ITPK1: variants seen among roughly 807,000 people sequenced by gnomAD.
ITPK1 encodes the protein inositol-tetrakisphosphate 1-kinase, also known as inositol 1,3,4-trisphosphate 5/6-kinase.
A neutral mutation model predicts 45.3 loss-of-function variants in ITPK1; 21 were observed. That is an observed-to-expected ratio of 0.46 (90% confidence interval 0.33 to 0.67). ITPK1 has a LOEUF of 0.67. Among genes scored for constraint, ITPK1 ranks in the 30% least tolerant of loss-of-function variants. The pLI is 0.02. For missense variants in ITPK1, 474 were observed against 573.5 expected, an observed-to-expected ratio of 0.83 and a Z score of 1.77; for synonymous variants, 258 against 253.6, an observed-to-expected ratio of 1.02 and a Z score of -0.16.
intron 5 of ITPK1, among the ~76,000 whole-genome samples, chr14:92,976,128 A>G (rs1250062646): frequency 6.6e-6 from 1 of 152,236 alleles, no homozygotes; most frequent in Non-Finnish European, 1.5e-5. Context: ...AGTCTTGGGT[A>G]TGTCCTTATA....
At chr14:92,987,314 G>C (rs1312815871) in intron 5 of ITPK1, among the ~76,000 whole-genome samples, 1 of 152,196 alleles carries the variant, frequency 6.6e-6, no homozygotes, top group Non-Finnish European at 1.5e-5. Flanking sequence ...GCAGGAAAGG[G>C]GACGGGGCAG....
In ITPK1 at chr14:92,938,104, C is replaced by T. The variant is rs889720149; in HGVS notation, c.*3457G>A. On this transcript the variant is annotated 3_prime_UTR_variant, in exon 11 of 11. Transcript: ENST00000267615. ...CCTCCCAAGTAGCTGGGACTACAGG[C>T]GCCCACCACCATGTCCAGCTAATTT... The T allele has an allele frequency of 4.1e-5, 10 of 241,542 alleles. No homozygotes were observed. Among genetic ancestry groups the T allele is most frequent in the African/African-American group, 1.1e-4 (5 of 43,604 alleles). 15.0% of individuals were successfully genotyped at this position (241,542 alleles called of 1,614,324 possible). A position where few individuals can be genotyped will look rare whatever the true frequency, so the allele number is the denominator to read the frequency against.
At position 93,012,432 on chromosome 14, in the gene ITPK1, T is replaced by A. The variant is rs1887962700; in HGVS notation, c.246+4244A>T. ...GGACACACATCAGAGCCTGGGCAGC[T>A]GCTGAGGGGGCCAGGGAAGGAGCGG... On this transcript the variant is annotated intron_variant, in intron 4 of 10. Coordinates refer to ENST00000267615, the MANE Select transcript of ITPK1 (RefSeq NM_014216.6). This position sits in a 1 kb window ranked among gnomAD's most constrained non-coding sequence, Gnocchi z 4.9. Among the ~76,000 whole-genome samples, 4 of 152,156 alleles carry A rather than the reference T, an allele frequency of 2.6e-5. No individual in the cohort carries two copies. In the South Asian group the frequency reaches 8.3e-4, roughly 32 times the overall value.
intron 5 of ITPK1, among the ~76,000 whole-genome samples, chr14:92,964,753 C>T (rs1885259813): frequency 6.6e-6 from 1 of 152,204 alleles, no homozygotes; most frequent in Admixed American, 6.5e-5. Context: ...CTGTGGCCCC[C>T]CGGAGTTTTT....
At chr14:93,114,814 C>T (rs1892873422) in intron 2 of ITPK1, among the ~76,000 whole-genome samples, 1 of 152,180 alleles carries the variant, frequency 6.6e-6, no homozygotes, top group African/African-American at 2.4e-5. Context: ...TGCTGGGGGC[C>T]TCCCCAGCCG....
At chr14:93,085,945 C>G (rs1891634569) in intron 2 of ITPK1, among the ~76,000 whole-genome samples, 1 of 152,026 alleles carries the variant, frequency 6.6e-6, no homozygotes, top group South Asian at 2.1e-4. Flanking sequence ...GGGGTGCTGG[C>G]AGGCTTGGTT....
chr14:93,112,729 C>G (rs1357276641), intron 2 of ITPK1, among the ~76,000 whole-genome samples: 1 of 152,138 alleles, frequency 6.6e-6, no homozygotes. Flanking sequence ...GAAGACACGG[C>G]ACCCGGCCCA....
intron 4 of ITPK1, among the ~76,000 whole-genome samples, chr14:93,015,009 A>C (rs1042576911): frequency 2.6e-5 from 4 of 152,246 alleles, no homozygotes; most frequent in African/African-American, 4.8e-5. Context: ...AGGGCACCAC[A>C]GGCACATGAA....
intron 10 of ITPK1, 72 bp from the exon 11 acceptor site, chr14:92,941,976 A>G: frequency 7.4e-7 from 1 of 1,342,592 alleles, no homozygotes; most frequent in Non-Finnish European, 1.0e-6. Context: ...GAGGAGGAGG[A>G]GGCAGAACCG....
Position 92,941,499 on chromosome 14 carries a change from G to A in ITPK1, c.*62C>T. ...CTTAGTAGTAGCATCGCCGTTGGGA[G>A]CTGCTGGCCCAGCGGGTGTGCTCTG... On this transcript the variant is annotated 3_prime_UTR_variant, in exon 11 of 11. Coordinates refer to ENST00000267615, the MANE Select transcript of ITPK1 (RefSeq NM_014216.6). The A allele has an allele frequency of 6.9e-7, 1 of 1,454,722 alleles. No homozygotes were observed. Among genetic ancestry groups the A allele is most frequent in the South Asian group, 1.3e-5 (1 of 74,264 alleles). 90.1% of individuals were successfully genotyped at this position (1,454,722 alleles called of 1,614,324 possible). A position where few individuals can be genotyped will look rare whatever the true frequency, so the allele number is the denominator to read the frequency against.
rs536781848 is a variant in ITPK1, at chr14:93,063,770, T to C, written c.120+12825A>G. Among the ~76,000 whole-genome samples, 18 of 152,216 alleles carry C rather than the reference T, an allele frequency of 1.2e-4. No individual in the cohort carries two copies. Among genetic ancestry groups the C allele is most frequent in the Non-Finnish European group, 2.1e-4 (14 of 68,038 alleles). ...CATGCTAGGCTGTGACAAGCCCACC[T>C]GTGTGAGCCTCAGTCCTCTCACCTG... On this transcript the variant is annotated intron_variant, in intron 3 of 10. Coordinates refer to ENST00000267615, the MANE Select transcript of ITPK1 (RefSeq NM_014216.6). This position sits in a 1 kb window ranked among gnomAD's most constrained non-coding sequence, Gnocchi z 4.3.
intron 2 of ITPK1, among the ~76,000 whole-genome samples, chr14:93,078,821 C>T (rs937264601): frequency 6.6e-6 from 1 of 152,182 alleles, no homozygotes; most frequent in Non-Finnish European, 1.5e-5. Context: ...AAGGAAGCGT[C>T]ACTGACGGGA....
chr14:93,087,913 G>T (rs1179211599), intron 2 of ITPK1, among the ~76,000 whole-genome samples: 1 of 152,232 alleles, frequency 6.6e-6, no homozygotes, highest in Non-Finnish European at 1.5e-5. Flanking sequence ...GAAGCCCAGG[G>T]AAGGGATGTG....
intron 3 of ITPK1, among the ~76,000 whole-genome samples, chr14:93,044,114 G>A (rs889374765): frequency 1.1e-4 from 16 of 152,256 alleles, no homozygotes; most frequent in Admixed American, 9.2e-4. Context: ...GGGAGGTGAG[G>A]AGGGGGTCCT....
intron 3 of ITPK1, among the ~76,000 whole-genome samples, chr14:93,052,769 A>G (rs1566757918): frequency 6.6e-6 from 1 of 152,098 alleles, no homozygotes; most frequent in Non-Finnish European, 1.5e-5. Context: ...TACATCTCCC[A>G]TCCCAGGGTT....
chr14:93,053,993 G>C (rs1394307488), intron 3 of ITPK1, among the ~76,000 whole-genome samples: 2 of 152,154 alleles, frequency 1.3e-5, no homozygotes, highest in Admixed American at 6.6e-5. Flanking sequence ...GGAGAGATGG[G>C]GTCGGGGAAG....
In ITPK1 at chr14:93,036,445, C is replaced by G. The variant is rs1034503534; in HGVS notation, c.121-19644G>C. Among the ~76,000 whole-genome samples, 1 of 152,194 alleles carries G rather than the reference C, an allele frequency of 6.6e-6. No individual in the cohort carries two copies. Among genetic ancestry groups the G allele is most frequent in the African/African-American group, 2.4e-5 (1 of 41,430 alleles). On this transcript the variant is annotated intron_variant, in intron 3 of 10. Coordinates refer to ENST00000267615, the MANE Select transcript of ITPK1 (RefSeq NM_014216.6). This position sits in a 1 kb window ranked among gnomAD's most constrained non-coding sequence, Gnocchi z 4.1. ...CAGTATTCACGGCTGCTTTCCCGCA[C>G]GTCAGACACAGCCAACAATGACAAA...
At chr14:93,082,568 G>C (rs1411736214) in intron 2 of ITPK1, among the ~76,000 whole-genome samples, 1 of 152,232 alleles carries the variant, frequency 6.6e-6, no homozygotes, top group African/African-American at 2.4e-5. Context: ...GCCAGGGATG[G>C]GGGTCTTGTG....
intron 4 of ITPK1, among the ~76,000 whole-genome samples, chr14:92,998,126 C>T (rs540514646): frequency 2.6e-5 from 4 of 152,350 alleles, no homozygotes; most frequent in African/African-American, 9.6e-5. Context: ...TGAGACTCAT[C>T]CTGGGTAAGG....
Sources: allele counts gnomAD v4.1 joint callset (sites outside exome capture counted in the v4.1 genomes callset), GRCh38; gene constraint gnomAD v4.1.1; non-coding constraint Gnocchi (gnomAD v3.1); transcripts MANE v1.5; gene names NCBI Gene and HGNC (gene_info 2026-07-23, HGNC 2026-07-21).